Variants in SPSB1 observed in about 807,000 individuals in gnomAD.
SPSB1 encodes the protein splA/ryanodine receptor domain and SOCS box containing 1.
In SPSB1, 8 loss-of-function variants were observed where a neutral mutation model predicts 21.2. The observed-to-expected ratio is 0.38, with a 90% confidence interval of 0.22 to 0.68. The LOEUF is 0.68. Among genes scored for constraint, SPSB1 ranks in the 30% least tolerant of loss-of-function variants. SPSB1 has a pLI of 0.53. For missense variants in SPSB1, 242 were observed against 377.8 expected (o/e 0.64, Z 2.98); for synonymous variants, 169 against 161.7 (o/e 1.05, Z -0.34).
chr1:9,314,116 C>T (rs917181137), intron 1 of SPSB1, among the ~76,000 whole-genome samples: 6 of 149,876 alleles, frequency 4.0e-5, no homozygotes, highest in Non-Finnish European at 8.9e-5. Flanking sequence ...GCAGAGGTTG[C>T]AGTGAGCTGA....
intron 1 of SPSB1, among the ~76,000 whole-genome samples, chr1:9,304,393 G>A (rs1366592942): frequency 6.6e-6 from 1 of 152,156 alleles, no homozygotes; most frequent in Non-Finnish European, 1.5e-5. Flanking sequence ...TTTCTCATCT[G>A]TCTCTCCCTC....
At chr1:9,314,806 G>C (rs1161747757) in intron 1 of SPSB1, among the ~76,000 whole-genome samples, 2 of 152,150 alleles carry the variant, frequency 1.3e-5, no homozygotes, top group Non-Finnish European at 2.9e-5. Flanking sequence ...TTTAAACTGG[G>C]TCACAAACTC....
intron 1 of SPSB1, among the ~76,000 whole-genome samples, chr1:9,316,227 C>T (rs557749582): frequency 4.1e-4 from 63 of 152,160 alleles, no homozygotes; most frequent in African/African-American, 1.4e-3. Flanking sequence ...CCTGGGGCTC[C>T]GGCACCCCCA....
Position 9,293,567 on chromosome 1 carries a change from C to G in SPSB1, c.-150+496C>G, listed in dbSNP as rs1460296443. 6.6e-6 allele frequency among the ~76,000 whole-genome samples: 1 copy of G among 152,068 alleles called. No individual in the cohort carries two copies. Among genetic ancestry groups the G allele is most frequent in the African/African-American group, 2.4e-5 (1 of 41,432 alleles). On this transcript the variant is annotated intron_variant, in intron 1 of 2. Coordinates refer to ENST00000328089, the MANE Select transcript of SPSB1 (RefSeq NM_025106.4). The surrounding 1 kb of genome is among the most constrained non-coding windows in gnomAD (Gnocchi z 5.1). ...CCGTCGGGGCGCCCCCACCCTCCCG[C>G]AGCGCCTCCCCCAGGGAGCCTGCCG...
intron 1 of SPSB1, among the ~76,000 whole-genome samples, chr1:9,312,246 ACCCGTC>A (rs1327425125): frequency 2.0e-5 from 3 of 151,856 alleles, no homozygotes; most frequent in African/African-American, 7.3e-5. Context: ...TTGGTCTCGA[ACCCGTC>A]CTGGGCTCAA....
intron 1 of SPSB1, among the ~76,000 whole-genome samples, chr1:9,342,710 G>A (rs1640109587): frequency 6.6e-6 from 1 of 152,198 alleles, no homozygotes; most frequent in Admixed American, 6.5e-5. Context: ...CATCCGAGAT[G>A]CAGGCACACA....
At chr1:9,357,062 T>A (rs1401192220) in intron 2 of SPSB1, among the ~76,000 whole-genome samples, 1 of 151,498 alleles carries the variant, frequency 6.6e-6, no homozygotes, top group African/African-American at 2.4e-5. Context: ...AATGAGTGGA[T>A]GGATAAATGA....
At position 9,324,879 on chromosome 1, in the gene SPSB1, A is replaced by G. The variant is rs1639786949; in HGVS notation, c.-149-30864A>G. 6.6e-6 allele frequency among the ~76,000 whole-genome samples: 1 copy of G among 152,204 alleles called. No individual in the cohort carries two copies. Among genetic ancestry groups the G allele is most frequent in the Non-Finnish European group, 1.5e-5 (1 of 68,026 alleles). On this transcript the variant is annotated intron_variant, in intron 1 of 2. Transcript: ENST00000328089. The surrounding 1 kb of genome is among the most constrained non-coding windows in gnomAD (Gnocchi z 4.3). ...CGTGGAGCCAGCACGGTCTTGTCGG[A>G]TCCAGACCAGACAAATGCTTTCTTG...
chr1:9,326,762 C>T (rs566495692), intron 1 of SPSB1, among the ~76,000 whole-genome samples: 4 of 152,336 alleles, frequency 2.6e-5, no homozygotes, highest in African/African-American at 7.2e-5. Flanking sequence ...ATGGTAAGCC[C>T]GCTGCTTCTG....
intron 1 of SPSB1, among the ~76,000 whole-genome samples, chr1:9,308,873 A>G (rs1374283078): frequency 6.6e-6 from 1 of 152,004 alleles, no homozygotes; most frequent in African/African-American, 2.4e-5. Flanking sequence ...GGCACCTGCT[A>G]TTGCCAAGCA....
In SPSB1 at chr1:9,355,854, C is replaced by A; in HGVS notation, c.-38C>A. On this transcript the variant is annotated 5_prime_UTR_variant, in exon 2 of 3. Transcript: ENST00000328089. ...CGAGACCACGAGATTGATGAGTTTG[C>A]CTTGGGAGTCGGTAAGAAGGTGAAG... 6.6e-7 allele frequency: 1 copy of A among 1,519,672 alleles called. No individual in the cohort carries two copies. The highest frequency in any genetic ancestry group is 8.8e-7 in the Non-Finnish European group (1 of 1,132,978). The allele number at this position is 1,519,672 out of a possible 1,614,324, so 94.1% of individuals were successfully genotyped here.
chr1:9,311,392 A>T (rs987669820), intron 1 of SPSB1, among the ~76,000 whole-genome samples: 2 of 152,078 alleles, frequency 1.3e-5, no homozygotes, highest in African/African-American at 4.8e-5. Context: ...GGAGATTTTT[A>T]TAATGGAAAA....
intron 1 of SPSB1, among the ~76,000 whole-genome samples, chr1:9,303,805 C>T (rs780456933): frequency 2.6e-5 from 4 of 152,124 alleles, no homozygotes; most frequent in South Asian, 2.1e-4. Flanking sequence ...TGATAAGGGG[C>T]GAACCTGTGA....
chr1:9,350,727 G>A (rs913235006), intron 1 of SPSB1, among the ~76,000 whole-genome samples: 8 of 152,228 alleles, frequency 5.3e-5, no homozygotes, highest in Non-Finnish European at 8.8e-5. Context: ...TCCTGGGTGG[G>A]GATGAAGGCT....
chr1:9,307,076 T>G (rs190515168), intron 1 of SPSB1, among the ~76,000 whole-genome samples: 4 of 151,854 alleles, frequency 2.6e-5, no homozygotes, highest in Non-Finnish European at 5.9e-5. Flanking sequence ...TACAGGCACG[T>G]GCCACCACGC....
At chr1:9,338,696 G>T (rs1458184315) in intron 1 of SPSB1, among the ~76,000 whole-genome samples, 1 of 152,250 alleles carries the variant, frequency 6.6e-6, no homozygotes, top group African/African-American at 2.4e-5. Flanking sequence ...GCAGGGCTGG[G>T]GTCTTCAGTG....
chr1:9,365,776 GT>G (rs1640559907), intron 2 of SPSB1, among the ~76,000 whole-genome samples: 1 of 152,176 alleles, frequency 6.6e-6, no homozygotes, highest in African/African-American at 2.4e-5. Context: ...GTTCCTTTTA[GT>G]TTTGGGGGCT....
intron 1 of SPSB1, among the ~76,000 whole-genome samples, chr1:9,340,902 C>T (rs1360318011): frequency 6.6e-6 from 1 of 152,164 alleles, no homozygotes; most frequent in East Asian, 1.9e-4. Context: ...GGCTGCGGTG[C>T]GGGGAGGCAG....
At chr1:9,300,223 A>G (rs1042038581) in intron 1 of SPSB1, among the ~76,000 whole-genome samples, 5 of 152,166 alleles carry the variant, frequency 3.3e-5, no homozygotes, top group African/African-American at 1.2e-4. Flanking sequence ...TCCTCCTGCA[A>G]CCAAGAAAGA....
Sources: allele counts gnomAD v4.1 joint callset (sites outside exome capture counted in the v4.1 genomes callset), GRCh38; gene constraint gnomAD v4.1.1; non-coding constraint Gnocchi (gnomAD v3.1); transcripts MANE v1.5; gene names NCBI Gene and HGNC (gene_info 2026-07-23, HGNC 2026-07-21).